IQCE: variants seen among roughly 807,000 people sequenced by gnomAD.
IQCE encodes the protein IQ domain-containing protein E.
A neutral mutation model predicts 96.0 loss-of-function variants in IQCE; 115 were observed. The observed-to-expected ratio is 1.20, with a 90% CI of 1.03 to 1.40. The LOEUF is 1.40. Ranked by LOEUF, IQCE falls within the 40% of genes most tolerant of loss-of-function variation. The pLI is 0.00. For synonymous variants in IQCE, 412 were observed against 371.2 expected, an observed-to-expected ratio of 1.11 and a Z score of -1.26; for missense variants, 1,041 against 909.1, an observed-to-expected ratio of 1.15 and a Z score of -1.87.
intron 11 of IQCE, among the ~76,000 whole-genome samples, chr7:2,585,226 T>TG (rs1783005919): frequency 6.6e-6 from 1 of 152,016 alleles, no homozygotes; most frequent in South Asian, 2.1e-4. Context: ...TTAGTAGAGA[T>TG]GGGGTTTTAC....
chr7:2,576,092 T>C (rs1182436825), intron 6 of IQCE, among the ~76,000 whole-genome samples: 1 of 152,234 alleles, frequency 6.6e-6, no homozygotes, highest in Non-Finnish European at 1.5e-5. Context: ...TGGGTTTGTC[T>C]GCAACGATCT....
chr7:2,610,035 T>C lies in IQCE; in HGVS notation c.1970-9T>C. 1 of 1,504,122 alleles carries C rather than the reference T, an allele frequency of 6.6e-7. No individual in the cohort carries two copies. Among genetic ancestry groups the C allele is most frequent in the Non-Finnish European group, 9.3e-7 (1 of 1,079,558 alleles). 93.2% of individuals were successfully genotyped at this position (1,504,122 alleles called of 1,614,324 possible). A position where few individuals can be genotyped will look rare whatever the true frequency, so the allele number is the denominator to read the frequency against. ...GGCTGACCCCTCTCCCTGTGGTTCA[T>C]TTCTGCAGACCCCTCTCCCTCAGGG... On this transcript the variant is annotated splice_polypyrimidine_tract_variant and intron_variant, in intron 21 of 21. Transcript: ENST00000402050.
At chr7:2,598,009 CTT>C (rs1784176286) in intron 16 of IQCE, 1 of 152,926 alleles carries the variant, frequency 6.5e-6, no homozygotes, top group Non-Finnish European at 1.5e-5. Context: ...GCAATCCTGG[CTT>C]GTTTCTACCT....
In IQCE at chr7:2,568,833, G is replaced by A. The variant is rs73033632; in HGVS notation, c.85-121G>A. 7,360 of 882,154 alleles carry A rather than the reference G, an allele frequency of 8.3e-3. 76 individuals carry two copies. Among genetic ancestry groups the A allele is most frequent in the East Asian group, 0.041 (1,656 of 40,070 alleles). 54.6% of individuals were successfully genotyped at this position (882,154 alleles called of 1,614,324 possible). A position where few individuals can be genotyped will look rare whatever the true frequency, so the allele number is the denominator to read the frequency against. ...GTTCCTGGACCCTCCTTACGTCCCC[G>A]TAAGCTCACGTCCTCTTGCTGCTCT... On this transcript the variant is annotated intron_variant, in intron 2 of 21. Coordinates refer to ENST00000402050, the MANE Select transcript of IQCE (RefSeq NM_152558.5).
At position 2,585,033 on chromosome 7, in the gene IQCE, G is replaced by A. The variant is rs547708022; in HGVS notation, c.824+748G>A. ...AATGGGAGGTACAGGGCTCCTGCGA[G>A]CTTCTGCTCATAACATTTTTTTTTT... On this transcript the variant is annotated intron_variant, in intron 11 of 21. Transcript: ENST00000402050. Among the ~76,000 whole-genome samples, 14 of 150,300 alleles carry A rather than the reference G, an allele frequency of 9.3e-5. No individual in the cohort carries two copies. The South Asian group carries it at 2.9e-3, about 32-fold the overall frequency.
intron 11 of IQCE, among the ~76,000 whole-genome samples, chr7:2,584,822 C>A (rs1217753939): frequency 6.6e-6 from 1 of 152,194 alleles, no homozygotes. Context: ...TTTTTCTTTA[C>A]CCCTAATCCT....
chr7:2,592,216 G>A (rs934144138), intron 14 of IQCE, among the ~76,000 whole-genome samples: 4 of 152,364 alleles, frequency 2.6e-5, no homozygotes, highest in Admixed American at 6.5e-5. Context: ...TACCCCTCAC[G>A]TGAGGTCTCG....
At chr7:2,575,840 G>A (rs893954911) in intron 6 of IQCE, among the ~76,000 whole-genome samples, 2 of 152,084 alleles carry the variant, frequency 1.3e-5, no homozygotes, top group African/African-American at 4.8e-5. Flanking sequence ...CGTGTCGATC[G>A]CTGGCCCCCC....
At chr7:2,607,017 T>C in intron 20 of IQCE, 107 bp from the exon 21 acceptor site, 1 of 1,034,950 alleles carries the variant, frequency 9.7e-7, no homozygotes, top group South Asian at 1.7e-5. Context: ...GTGTTTGCTT[T>C]CATTGGAATA....
chr7:2,579,721 G>GTC (rs1782512083), intron 8 of IQCE, among the ~76,000 whole-genome samples: 5 of 135,276 alleles, frequency 3.7e-5, no homozygotes, highest in South Asian at 2.6e-4. Flanking sequence ...GTGTGTGTGT[G>GTC]TGTGTGTGTG....
rs771936020 is a variant in IQCE at position 2,607,173 on chromosome 7, G to C, written c.1915G>C (p.Ala639Pro). 2 of 1,613,052 alleles carry C rather than the reference G, an allele frequency of 1.2e-6. No homozygotes were observed. Among genetic ancestry groups the C allele is most frequent in the Admixed American group, 1.7e-5 (1 of 59,904 alleles). The stretch of plus-strand genomic sequence containing the variant: ...CGCAGCTTCTACCAGGAGGAGATCG[G>C]CTTCAGCCACACACGGGGACGCCTC... ...TTAASTRRRS[A>P]SATHGDASSP... Residue 639 changes from alanine to proline, a missense_variant, in exon 21 of 22, where the codon GCT becomes CCT. Coordinates refer to ENST00000402050, the MANE Select transcript of IQCE (RefSeq NM_152558.5).
rs749153119 is a variant in IQCE, at chr7:2,604,950, C to T, written c.1702C>T (p.His568Tyr). 1.2e-6 allele frequency: 2 copies of T among 1,613,742 alleles called. No individual in the cohort carries two copies. The highest frequency in any genetic ancestry group is 1.7e-5 in the Admixed American group (1 of 60,026). Reference protein sequence around the residue: ...TRTKLLASKAHGSEPPSVPGL... With the variant: ...TRTKLLASKAYGSEPPSVPGL... ...GACAAAGCTCTTAGCAAGCAAAGCA[C>T]ATGGCTCAGAGCCACCCAGCGTGCC... Residue 568 changes from histidine to tyrosine, a missense_variant, in exon 19 of 22, where the codon CAT (histidine) becomes TAT (tyrosine). By Grantham distance (83) the His-to-Tyr change is moderately conservative. Coordinates refer to ENST00000402050, the MANE Select transcript of IQCE (RefSeq NM_152558.5).
chr7:2,594,931 A>T lies in IQCE; in HGVS notation c.1395A>T (p.Glu465Asp). 1 of 1,614,090 alleles carries T rather than the reference A, an allele frequency of 6.2e-7. No homozygotes were observed. Among genetic ancestry groups the T allele is most frequent in the African/African-American group, 1.3e-5 (1 of 75,062 alleles). ...TLTSKLQELQ[E>D]MKKEEKEDCP... is the part of the protein sequence containing the mutation. ...CCAGCAAGCTCCAAGAATTGCAAGA[A>T]ATGAAGAAAGAAGAGAAAGAGGATT... is the stretch of plus-strand genomic sequence containing the variant. Residue 465 changes from glutamate (E) to aspartate (D), a missense_variant, in exon 16 of 22, where the codon GAA becomes GAT. Physicochemically the swap from Glu to Asp is conservative, Grantham distance 45. Coordinates refer to ENST00000402050, the MANE Select transcript of IQCE (RefSeq NM_152558.5).
intron 1 of IQCE, 98 bp downstream of exon 1, chr7:2,559,315 C>G: frequency 3.1e-6 from 2 of 652,786 alleles, no homozygotes; most frequent in Non-Finnish European, 4.2e-6. Context: ...GGGGCCGGCC[C>G]GGGGCGTGAG....
intron 1 of IQCE, among the ~76,000 whole-genome samples, chr7:2,561,928 T>G (rs1010061676): frequency 1.3e-5 from 2 of 152,222 alleles, no homozygotes; most frequent in African/African-American, 4.8e-5. Flanking sequence ...AAGACTCAAG[T>G]ATAATTTGAA....
At chr7:2,595,025 G>A in intron 16 of IQCE, 49 bp downstream of exon 16, 1 of 1,307,778 alleles carries the variant, frequency 7.6e-7, no homozygotes, top group Non-Finnish European at 1.1e-6. Flanking sequence ...GTGAGACTTT[G>A]GTCGTGACGG....
rs1354598735 is a variant in IQCE at position 2,572,224 on chromosome 7, A to T, written c.292A>T (p.Thr98Ser). ...GACCCAGGCCCTGAACTCACCCCTCACCTGGGAGCATGCGTGGACTGGCGT... is the reference window on the plus strand; with the variant it reads ...GACCCAGGCCCTGAACTCACCCCTCTCCTGGGAGCATGCGTGGACTGGCGT... The part of the protein sequence containing the change: ...SLTQALNSPL[T>S]WEHAWTGVPG... Residue 98 changes from threonine (T) to serine (S), a missense_variant, in exon 5 of 22, where the codon ACC (threonine) becomes TCC (serine). Coordinates refer to ENST00000402050, the MANE Select transcript of IQCE (RefSeq NM_152558.5). 6.2e-7 allele frequency: 1 copy of T among 1,614,088 alleles called. No individual in the cohort carries two copies. The highest frequency in any genetic ancestry group is 8.5e-7 in the Non-Finnish European group (1 of 1,179,980).
rs756692025 is a variant in IQCE at position 2,604,914 on chromosome 7, C to T, written c.1666C>T (p.His556Tyr). 9.4e-5 allele frequency: 152 copies of T among 1,613,654 alleles called. 1 individual carries two copies. In the East Asian group the frequency reaches 2.1e-3, roughly 22 times the overall value. ...GGTGCTTCAGGCAGCTTTCAGGGGA[C>T]ATCTCACGCGGACAAAGCTCTTAGC... Reference protein sequence around the residue: ...AVVLQAAFRGHLTRTKLLASK... With the variant: ...AVVLQAAFRGYLTRTKLLASK... Residue 556 changes from histidine (H) to tyrosine (Y), a missense_variant, in exon 19 of 22, where the codon CAT (histidine) becomes TAT (tyrosine). Physicochemically the swap from His to Tyr is moderately conservative, Grantham distance 83. Transcript: ENST00000402050.
In IQCE at chr7:2,598,448, C is replaced by G. The variant is rs1171833094; in HGVS notation, c.1441-17C>G. ...GCCCTGGCTTCATTGTCCTCTTACT[C>G]CTTCAATTTCCTGCAGGCCCAAGAG... On this transcript the variant is annotated splice_polypyrimidine_tract_variant and intron_variant, in intron 16 of 21. Transcript: ENST00000402050. 1.9e-6 allele frequency: 3 copies of G among 1,556,384 alleles called. No individual in the cohort carries two copies. Among genetic ancestry groups the G allele is most frequent in the Non-Finnish European group, 2.6e-6 (3 of 1,151,118 alleles).
Sources: gnomAD v4.1 joint callset for allele counts (sites outside exome capture counted in the v4.1 genomes callset) on GRCh38, gnomAD v4.1.1 for gene constraint, MANE v1.5 for transcripts, NCBI Gene and HGNC (gene_info 2026-07-23, HGNC 2026-07-21) for gene names.